Variants in ABCC5 observed in about 807,000 individuals in gnomAD.
ABCC5 encodes the protein ATP-binding cassette sub-family C member 5.
Under a neutral mutation model 160.9 loss-of-function variants are expected in ABCC5, and 61 were observed. The observed-to-expected ratio is 0.38, with a 90% confidence interval of 0.31 to 0.47. The LOEUF (loss-of-function observed/expected upper bound fraction) is 0.47. Among genes scored for constraint, ABCC5 ranks in the 20% least tolerant of loss-of-function variants. The probability of loss-of-function intolerance (pLI) is 0.99; values close to 1 mark genes in which losing one functional copy is unlikely to be tolerated. For synonymous variants in ABCC5, 666 were observed against 700.6 expected, an observed-to-expected ratio of 0.95 and a Z score of 0.78; for missense variants, 1,308 against 1,813.3, an observed-to-expected ratio of 0.72 and a Z score of 5.06.
chr3:183,928,702 C>T (rs761706982), intron 27 of ABCC5, 45 bp downstream of exon 27: 3 of 1,561,260 alleles, frequency 1.9e-6, no homozygotes, highest in Admixed American at 3.3e-5. Context: ...GCTGTGCTTC[C>T]ACCCTCACCA....
chr3:183,921,318 C>T lies in ABCC5; in HGVS notation c.4296G>A (p.Lys1432=), dbSNP rs746834300. The T allele has an allele frequency of 1.3e-6, 2 of 1,596,562 alleles. No homozygotes were observed. The highest frequency in any genetic ancestry group is 1.7e-5 in the Admixed American group (1 of 59,642). ...FYAMFAAAEN[K]VAVKG is the part of the protein sequence containing the mutation. ...GGAGGAGTCAGCCCTTGACAGCGACCTTGTTCTCTGCAGCAGCAAACATGG... is the reference window on the plus strand; with the variant it reads ...GGAGGAGTCAGCCCTTGACAGCGACTTTGTTCTCTGCAGCAGCAAACATGG... Residue 1432 remains lysine, a synonymous_variant, in exon 30 of 30, where the codon AAG becomes AAA. Coordinates refer to ENST00000334444, the MANE Select transcript of ABCC5 (RefSeq NM_005688.4). This position sits in a 1 kb window ranked among gnomAD's most constrained non-coding sequence, Gnocchi z 4.1.
chr3:183,990,204 G>A (rs895268138), intron 2 of ABCC5, among the ~76,000 whole-genome samples: 1 of 151,972 alleles, frequency 6.6e-6, no homozygotes, highest in African/African-American at 2.4e-5. Context: ...AGCCTCCCCG[G>A]TTCAAGCAAT....
intron 25 of ABCC5, among the ~76,000 whole-genome samples, chr3:183,940,148 G>T (rs1332646364): frequency 6.6e-6 from 1 of 152,058 alleles, no homozygotes; most frequent in Non-Finnish European, 1.5e-5. Context: ...CCTTCTACCA[G>T]AAACGAGTTA....
chr3:183,953,404 A>G (rs1413249020), intron 17 of ABCC5, 134 bp from the exon 18 acceptor site: 4 of 725,616 alleles, frequency 5.5e-6, no homozygotes, highest in Non-Finnish European at 8.5e-6. Context: ...CTTTGTCAGA[A>G]GCATTCATTC....
chr3:183,996,457 T>C (rs1251962478), intron 2 of ABCC5, among the ~76,000 whole-genome samples: 2 of 152,216 alleles, frequency 1.3e-5, no homozygotes, highest in Admixed American at 6.5e-5. Flanking sequence ...GTTTTTGTTC[T>C]TTTTACTATA....
intron 2 of ABCC5, among the ~76,000 whole-genome samples, chr3:184,000,459 A>G (rs1289818208): frequency 6.6e-6 from 1 of 152,216 alleles, no homozygotes; most frequent in African/African-American, 2.4e-5. Flanking sequence ...TCATCCATTC[A>G]TTCAACTAGT....
At position 183,951,173 on chromosome 3, in the gene ABCC5, A is replaced by G. The variant is rs938819234; in HGVS notation, c.2944+268T>C. ...AAAACCTGCCAGGTTGTAGGCATCCAGAAACCAATGCATTGCTTTAAAATC... is the reference window on the plus strand; with the variant it reads ...AAAACCTGCCAGGTTGTAGGCATCCGGAAACCAATGCATTGCTTTAAAATC... On this transcript the variant is annotated intron_variant, in intron 20 of 29. Coordinates refer to ENST00000334444, the MANE Select transcript of ABCC5 (RefSeq NM_005688.4). The surrounding 1 kb of genome is among the most constrained non-coding windows in gnomAD (Gnocchi z 4.7). 1.3e-5 allele frequency among the ~76,000 whole-genome samples: 2 copies of G among 152,230 alleles called. No individual in the cohort carries two copies. The highest frequency in any genetic ancestry group is 4.1e-4 in the South Asian group (2 of 4,832).
At chr3:183,985,155 AG>A in intron 5 of ABCC5, 1 of 764,362 alleles carries the variant, frequency 1.3e-6, no homozygotes, top group Non-Finnish European at 2.1e-6. Flanking sequence ...AAGAAAAAAG[AG>A]GTTTTCATGA....
Position 183,965,172 on chromosome 3 carries a change from G to A in ABCC5, c.2031+13C>T, listed in dbSNP as rs2271937. 0.055 allele frequency: 89,119 copies of A among 1,613,412 alleles called. 3,309 individuals are homozygous for A. The highest frequency in any genetic ancestry group is 0.2 in the East Asian group (8,855 of 44,850). ...CTCTGCTAAATGCCTGGTCAGGGGCGGAAGGCCTGTACCTCCGTCAGGTCG... is the reference window on the plus strand; with the variant it reads ...CTCTGCTAAATGCCTGGTCAGGGGCAGAAGGCCTGTACCTCCGTCAGGTCG... On this transcript the variant is annotated intron_variant, in intron 14 of 29. Coordinates refer to ENST00000334444, the MANE Select transcript of ABCC5 (RefSeq NM_005688.4).
At chr3:183,944,290 G>C (rs894656139) in intron 24 of ABCC5, among the ~76,000 whole-genome samples, 1 of 152,104 alleles carries the variant, frequency 6.6e-6, no homozygotes, top group African/African-American at 2.4e-5. Flanking sequence ...GTTACTTGGC[G>C]GGGCTGAGGT....
intron 11 of ABCC5, 26 bp from the exon 12 acceptor site, chr3:183,967,792 G>A (rs28365014): frequency 1.3e-6 from 2 of 1,563,636 alleles, no homozygotes; most frequent in Non-Finnish European, 1.8e-6. Flanking sequence ...AGAGAGGAGG[G>A]TCATTTAGAG....
chr3:183,975,245 A>G (rs956018161), intron 10 of ABCC5, among the ~76,000 whole-genome samples: 1 of 152,196 alleles, frequency 6.6e-6, no homozygotes, highest in Non-Finnish European at 1.5e-5. Flanking sequence ...ACAGCCCCCC[A>G]ACCCTCATAA....
intron 29 of ABCC5, among the ~76,000 whole-genome samples, chr3:183,924,212 G>A (rs1324542689): frequency 3.3e-5 from 5 of 151,920 alleles, no homozygotes; most frequent in East Asian, 3.9e-4. Flanking sequence ...TAGAGACGGC[G>A]TTTCGTCATG....
chr3:183,989,515 G>A lies in ABCC5; in HGVS notation c.130-132C>T, dbSNP rs1719545987. On this transcript the variant is annotated intron_variant, in intron 2 of 29. Transcript: ENST00000334444. ...GAGAAATTCCAAGCAAGGGTCAGGA[G>A]GTTAAACACTAACTTTGTATGATTT... The A allele has an allele frequency of 4.8e-6, 4 of 831,748 alleles. No homozygotes were observed. The Admixed American group carries it at 7.6e-5, about 16-fold the overall frequency. 51.5% of individuals were successfully genotyped at this position (831,748 alleles called of 1,614,324 possible).
chr3:184,005,807 C>A (rs1189916452), intron 2 of ABCC5, among the ~76,000 whole-genome samples: 2 of 151,560 alleles, frequency 1.3e-5, no homozygotes, highest in Admixed American at 1.3e-4. Flanking sequence ...AAAGCATTAA[C>A]GGAAACCCAC....
rs1054511346 is a variant in ABCC5 at position 183,982,729 on chromosome 3, G to A, written c.825+45C>T. ...AGGGCCCTAGAGGAATGAACCTCAA[G>A]CTAGGAAGTTGCTCTCTGCTGTGAA... On this transcript the variant is annotated intron_variant, in intron 6 of 29. Coordinates refer to ENST00000334444, the MANE Select transcript of ABCC5 (RefSeq NM_005688.4). This position sits in a 1 kb window ranked among gnomAD's most constrained non-coding sequence, Gnocchi z 5.2. 6.2e-7 allele frequency: 1 copy of A among 1,609,020 alleles called. No individual in the cohort carries two copies. The highest frequency in any genetic ancestry group is 8.5e-7 in the Non-Finnish European group (1 of 1,175,752).
At chr3:183,943,405 A>G (rs1372435328) in intron 24 of ABCC5, among the ~76,000 whole-genome samples, 2 of 152,034 alleles carry the variant, frequency 1.3e-5, no homozygotes, top group African/African-American at 4.8e-5. Flanking sequence ...GGAGACACAG[A>G]CTCTAATTCT....
chr3:183,922,099 C>T (rs55940276), intron 29 of ABCC5, among the ~76,000 whole-genome samples: 9,484 of 151,412 alleles, frequency 0.063, 318 homozygotes, highest in Middle Eastern at 0.096. Flanking sequence ...AGGCTGGGTG[C>T]GGTGGTTGAT....
Position 183,993,841 on chromosome 3 carries a change from G to A in ABCC5, c.130-4458C>T, listed in dbSNP as rs192830024. Among the ~76,000 whole-genome samples, 317 of 152,106 alleles carry A rather than the reference G, an allele frequency of 2.1e-3. 1 individual carries two copies. The highest frequency in any genetic ancestry group is 7.1e-3 in the African/African-American group (293 of 41,494). ...CATTGCCACTATTTCCAAAATACACGGATCTTGAAATATGGAAATTTGCCT... is the reference window on the plus strand; with the variant it reads ...CATTGCCACTATTTCCAAAATACACAGATCTTGAAATATGGAAATTTGCCT... On this transcript the variant is annotated intron_variant, in intron 2 of 29. Coordinates refer to ENST00000334444, the MANE Select transcript of ABCC5 (RefSeq NM_005688.4).
Sources: gnomAD v4.1 joint callset for allele counts (sites outside exome capture counted in the v4.1 genomes callset) on GRCh38, gnomAD v4.1.1 for gene constraint, Gnocchi (gnomAD v3.1) non-coding constraint, MANE v1.5 for transcripts, NCBI Gene and HGNC (gene_info 2026-07-23, HGNC 2026-07-21) for gene names.